Variants in HPSE2 observed in about 807,000 individuals in gnomAD.
HPSE2 encodes heparanase 2 (inactive).
HPSE2 carries 38 observed loss-of-function variants against 60.5 expected under a neutral mutation model. That is an observed-to-expected ratio of 0.63 (90% CI 0.48 to 0.82). The LOEUF is 0.82. Ranked by LOEUF, HPSE2 falls within the 40% of genes least tolerant of loss-of-function variation. The pLI is 0.00. For synonymous variants in HPSE2, 295 were observed against 293.2 expected (o/e 1.01, Z -0.06); for missense variants, 713 against 740.4 (o/e 0.96, Z 0.43).
intron 9 of HPSE2, among the ~76,000 whole-genome samples, chr10:98,593,799 T>TA (rs1194191891): frequency 1.3e-5 from 2 of 152,160 alleles, no homozygotes; most frequent in Non-Finnish European, 2.9e-5. Flanking sequence ...ATTAAGGATT[T>TA]AAAAAACATA....
In HPSE2 at chr10:98,803,151, C is replaced by A. The variant is rs200637534; in HGVS notation, c.611-59095G>T. Among the ~76,000 whole-genome samples the A allele has an allele frequency of 7.3e-5, 11 of 151,590 alleles. No homozygotes were observed. The East Asian group carries it at 1.8e-3, about 24-fold the overall frequency. On this transcript the variant is annotated intron_variant, in intron 3 of 11. Coordinates refer to ENST00000370552, the MANE Select transcript of HPSE2 (RefSeq NM_021828.5). Reference sequence around the variant, plus strand: ...GAAGTGTTTGTTCATGTCCTTTGCCCACTTTTTGATGGCGTTGTTTGTTTT... The same window carrying A: ...GAAGTGTTTGTTCATGTCCTTTGCCAACTTTTTGATGGCGTTGTTTGTTTT...
intron 3 of HPSE2, among the ~76,000 whole-genome samples, chr10:99,054,306 A>G (rs1388781067): frequency 2.0e-5 from 3 of 152,198 alleles, no homozygotes; most frequent in Non-Finnish European, 2.9e-5. Flanking sequence ...ATGTTAGAGT[A>G]AAAGCAGAGT....
chr10:98,940,741 G>T (rs1411637674), intron 3 of HPSE2, among the ~76,000 whole-genome samples: 1 of 142,592 alleles, frequency 7.0e-6, no homozygotes, highest in Non-Finnish European at 1.5e-5. Flanking sequence ...TATAAGGCCA[G>T]CATCATCCTG....
chr10:99,015,068 G>T (rs1358336000), intron 3 of HPSE2, among the ~76,000 whole-genome samples: 3 of 152,022 alleles, frequency 2.0e-5, no homozygotes, highest in African/African-American at 7.3e-5. Flanking sequence ...CATGAAAAAA[G>T]GCTCATCATC....
chr10:98,526,409 C>T (rs762468722), intron 9 of HPSE2, among the ~76,000 whole-genome samples: 11 of 152,058 alleles, frequency 7.2e-5, no homozygotes, highest in Non-Finnish European at 1.0e-4. Context: ...AGAGCAACTC[C>T]GATGTAAGTT....
chr10:98,681,526 C>T (rs1159528101), intron 6 of HPSE2, among the ~76,000 whole-genome samples: 1 of 152,176 alleles, frequency 6.6e-6, no homozygotes, highest in Non-Finnish European at 1.5e-5. Context: ...AGTTCATGCA[C>T]ATGGTTTAAT....
At chr10:98,703,770 T>C (rs2134200031) in intron 5 of HPSE2, among the ~76,000 whole-genome samples, 1 of 152,182 alleles carries the variant, frequency 6.6e-6, no homozygotes, top group South Asian at 2.1e-4. Flanking sequence ...GGAACATATC[T>C]CAAAATAATG....
At chr10:99,171,333 C>G (rs919666677) in intron 2 of HPSE2, among the ~76,000 whole-genome samples, 1 of 152,076 alleles carries the variant, frequency 6.6e-6, no homozygotes, top group African/African-American at 2.4e-5. Context: ...TATTCTAACT[C>G]TAAGATGCAG....
chr10:99,146,365 G>T (rs1005608267), intron 2 of HPSE2, among the ~76,000 whole-genome samples: 18 of 152,306 alleles, frequency 1.2e-4, no homozygotes, highest in African/African-American at 4.3e-4. Context: ...GCAGAAAAGG[G>T]TAGTTATGTA....
At chr10:99,183,775 A>T (rs2133838195) in intron 2 of HPSE2, among the ~76,000 whole-genome samples, 1 of 152,320 alleles carries the variant, frequency 6.6e-6, no homozygotes, top group Non-Finnish European at 1.5e-5. Context: ...CACCAGGAAG[A>T]AGTAAGTGAA....
At chr10:98,880,127 T>C (rs1315797241) in intron 3 of HPSE2, among the ~76,000 whole-genome samples, 2 of 152,080 alleles carry the variant, frequency 1.3e-5, no homozygotes, top group African/African-American at 4.8e-5. Flanking sequence ...GAATTATGAA[T>C]GTGATTTTAA....
chr10:99,195,742 A>G (rs1281715998), intron 2 of HPSE2, among the ~76,000 whole-genome samples: 1 of 152,178 alleles, frequency 6.6e-6, no homozygotes, highest in Non-Finnish European at 1.5e-5. Context: ...TTCCATGTTC[A>G]TGCATTGGAA....
At chr10:98,815,919 T>A (rs547445138) in intron 3 of HPSE2, among the ~76,000 whole-genome samples, 1 of 150,910 alleles carries the variant, frequency 6.6e-6, no homozygotes, top group Admixed American at 6.7e-5. Context: ...CAGCAAACTA[T>A]CGCAAGGACG....
intron 2 of HPSE2, among the ~76,000 whole-genome samples, chr10:99,193,742 T>C (rs1848300908): frequency 6.6e-6 from 1 of 152,076 alleles, no homozygotes; most frequent in Admixed American, 6.6e-5. Flanking sequence ...ATACAAAAAT[T>C]ATAAATATAT....
chr10:98,555,139 C>T (rs956402780), intron 9 of HPSE2, among the ~76,000 whole-genome samples: 2 of 152,198 alleles, frequency 1.3e-5, no homozygotes, highest in Non-Finnish European at 2.9e-5. Flanking sequence ...ATGTTCCTTT[C>T]AGCTCTAAGG....
Position 99,180,532 on chromosome 10 carries a change from G to A in HPSE2, c.449-36133C>T, listed in dbSNP as rs551373653. ...TCCTATCACTGGTCATTAGAGAAAT[G>A]CAAATCAAAACCACAATGAGATACC... On this transcript the variant is annotated intron_variant, in intron 2 of 11. Transcript: ENST00000370552. Among the ~76,000 whole-genome samples the A allele has an allele frequency of 4.3e-3, 662 of 152,228 alleles. 5 individuals carry two copies. Among genetic ancestry groups the A allele is most frequent in the Non-Finnish European group, 7.2e-3 (493 of 68,020 alleles).
At chr10:98,600,799 TAC>T (rs1260812611) in intron 9 of HPSE2, among the ~76,000 whole-genome samples, 1 of 40,534 alleles carries the variant, frequency 2.5e-5, no homozygotes, top group African/African-American at 3.6e-5. Flanking sequence ...TATGTATATA[TAC>T]ACGTGTGTGC....
intron 3 of HPSE2, among the ~76,000 whole-genome samples, chr10:98,972,244 C>T (rs1242639856): frequency 1.3e-5 from 2 of 151,506 alleles, no homozygotes; most frequent in African/African-American, 4.9e-5. Context: ...TTTCTTGTTG[C>T]TGTATTCTTG....
At chr10:98,696,586 A>G (rs1380015381) in intron 5 of HPSE2, among the ~76,000 whole-genome samples, 2 of 95,984 alleles carry the variant, frequency 2.1e-5, no homozygotes, top group South Asian at 4.5e-4. Flanking sequence ...AGCCCACACC[A>G]CTGGGGCGAG....
Sources: allele counts gnomAD v4.1 joint callset (sites outside exome capture counted in the v4.1 genomes callset), GRCh38; gene constraint gnomAD v4.1.1; transcripts MANE v1.5; gene names NCBI Gene and HGNC (gene_info 2026-07-23, HGNC 2026-07-21).